Variants in CAPN13 observed in about 807,000 individuals in gnomAD.
CAPN13 encodes calpain 13, also known as calpain-13.
A neutral mutation model predicts 98.4 loss-of-function variants in CAPN13; 90 were observed. The observed-to-expected ratio is 0.92, with a 90% CI of 0.77 to 1.09. The LOEUF is 1.09. CAPN13 is among the 50% of genes least tolerant of loss of function. CAPN13 has a pLI of 0.00. For missense variants in CAPN13, 887 were observed against 841.3 expected (o/e 1.05, Z -0.67); for synonymous variants, 330 against 305.5 (o/e 1.08, Z -0.84).
At chr2:30,776,294 C>T (rs764904233) in intron 3 of CAPN13, among the ~76,000 whole-genome samples, 9 of 152,122 alleles carry the variant, frequency 5.9e-5, no homozygotes, top group South Asian at 2.1e-4. Context: ...TGCAGTGACG[C>T]GCTCTGGGCT....
Position 30,777,618 on chromosome 2 carries a change from G to T in CAPN13, c.220C>A (p.His74Asn). Residue 74 changes from histidine (H) to asparagine (N), a missense_variant, in exon 3 of 23, where the codon CAC (histidine) becomes AAC (asparagine). His to Asn is a moderately conservative substitution (Grantham distance 68). Transcript: ENST00000295055. ...CTGCTTATATCATCCAGGATGAAGT[G>T]AGGAGGACCCCCTGGTAGATCCTTT... ...RPQDLPGGPP[H>N]FILDDISRFD... 1 of 1,578,538 alleles carries T rather than the reference G, an allele frequency of 6.3e-7. No homozygotes were observed. Among genetic ancestry groups the T allele is most frequent in the South Asian group, 1.2e-5 (1 of 85,792 alleles).
chr2:30,775,890 G>T, intron 4 of CAPN13, 40 bp downstream of exon 4: 1 of 1,455,498 alleles, frequency 6.9e-7, no homozygotes, highest in Non-Finnish European at 9.5e-7. Context: ...TACTCACAGA[G>T]AACCCCATCA....
intron 1 of CAPN13, among the ~76,000 whole-genome samples, chr2:30,791,394 C>T (rs1314995275): frequency 6.6e-6 from 1 of 152,182 alleles, no homozygotes; most frequent in African/African-American, 2.4e-5. Context: ...AATAAAATCT[C>T]CTGAGTGTCA....
chr2:30,732,679 T>C (rs912018322), intron 19 of CAPN13, 113 bp from the exon 20 acceptor site: 125 of 1,352,994 alleles, frequency 9.2e-5, no homozygotes, highest in Middle Eastern at 2.4e-4. Flanking sequence ...CACCAACTCC[T>C]CCCACTCAGC....
chr2:30,804,422 C>T lies in CAPN13; in HGVS notation c.-33+2880G>A, dbSNP rs1294587089. Among the ~76,000 whole-genome samples the T allele has an allele frequency of 2.0e-5, 3 of 152,146 alleles. No individual in the cohort carries two copies. The East Asian group carries it at 5.8e-4, about 29-fold the overall frequency. ...TTCACCATGTTGGCCAGACTGGCCT[C>T]GAACTCCTGACCTCAGGCAATCCGC... is the stretch of plus-strand genomic sequence containing the variant. On this transcript the variant is annotated intron_variant, in intron 1 of 22. Coordinates refer to ENST00000295055, the MANE Select transcript of CAPN13 (RefSeq NM_144575.3).
In CAPN13 at chr2:30,745,799, C is replaced by T. The variant is rs764407265; in HGVS notation, c.1237-65G>A. 59 of 1,441,504 alleles carry T rather than the reference C, an allele frequency of 4.1e-5. 1 individual carries two copies. The highest frequency in any genetic ancestry group is 1.6e-4 in the South Asian group (13 of 82,546). The allele number at this position is 1,441,504 out of a possible 1,614,324, so 89.3% of individuals were successfully genotyped here. A position where few individuals can be genotyped will look rare whatever the true frequency, so the allele number is the denominator to read the frequency against. ...ACGTAAACAAAAAGGCAAGCAGAACCGAACAGCTTGGCTCATTGGTTTCAT... is the reference window on the plus strand; with the variant it reads ...ACGTAAACAAAAAGGCAAGCAGAACTGAACAGCTTGGCTCATTGGTTTCAT... On this transcript the variant is annotated intron_variant, in intron 11 of 22. Coordinates refer to ENST00000295055, the MANE Select transcript of CAPN13 (RefSeq NM_144575.3).
At chr2:30,764,871 C>T (rs1198421211) in intron 5 of CAPN13, among the ~76,000 whole-genome samples, 1 of 152,114 alleles carries the variant, frequency 6.6e-6, no homozygotes, top group Non-Finnish European at 1.5e-5. Context: ...ACATTGGGAG[C>T]CACTGTTCTT....
intron 5 of CAPN13, among the ~76,000 whole-genome samples, chr2:30,765,987 G>A (rs1004457342): frequency 2.0e-5 from 3 of 152,152 alleles, no homozygotes; most frequent in East Asian, 1.9e-4. Flanking sequence ...GGTGGTGAGC[G>A]TGCCCGGTTG....
intron 12 of CAPN13, 41 bp from the exon 13 acceptor site, chr2:30,743,620 T>C: frequency 6.3e-7 from 1 of 1,585,838 alleles, no homozygotes; most frequent in Non-Finnish European, 8.7e-7. Flanking sequence ...GAAAGCCTCC[T>C]CTGTGCATGG....
chr2:30,758,827 T>C (rs72783030), intron 7 of CAPN13, among the ~76,000 whole-genome samples: 6,282 of 79,548 alleles, frequency 0.079, 354 homozygotes, highest in African/African-American at 0.21. Context: ...CTCCCTTCCT[T>C]CCTCCCTTCC....
rs557121639 is a variant in CAPN13, at chr2:30,752,937, T to G, written c.1087+116A>C. The G allele has an allele frequency of 7.6e-5, 90 of 1,177,470 alleles. 2 individuals are homozygous for G. The South Asian group carries it at 1.3e-3, about 17-fold the overall frequency. 72.9% of individuals were successfully genotyped at this position (1,177,470 alleles called of 1,614,324 possible). A position where few individuals can be genotyped will look rare whatever the true frequency, so the allele number is the denominator to read the frequency against. ...TTCATGCTGACAAACTCCCCTCCTTTCAGCTTCAGGCTCATGGTCCAGAAT... is the reference window on the plus strand; with the variant it reads ...TTCATGCTGACAAACTCCCCTCCTTGCAGCTTCAGGCTCATGGTCCAGAAT... On this transcript the variant is annotated intron_variant, in intron 10 of 22. Transcript: ENST00000295055.
At chr2:30,748,670 G>A (rs147951716) in intron 11 of CAPN13, among the ~76,000 whole-genome samples, 50 of 152,228 alleles carry the variant, frequency 3.3e-4, no homozygotes, top group East Asian at 9.7e-4. Context: ...GCTGCTTGCA[G>A]TAGGAGGCTG....
intron 17 of CAPN13, 32 bp from the exon 18 acceptor site, chr2:30,736,603 C>A (rs376827576): frequency 6.2e-7 from 1 of 1,607,606 alleles, no homozygotes; most frequent in East Asian, 2.2e-5. Flanking sequence ...AACCAGCCAG[C>A]GTGCAAGGTG....
intron 2 of CAPN13, among the ~76,000 whole-genome samples, chr2:30,784,466 T>A (rs1291379566): frequency 6.6e-6 from 1 of 152,228 alleles, no homozygotes; most frequent in Non-Finnish European, 1.5e-5. Context: ...ACTCATTTAG[T>A]ACTTAAAGTA....
chr2:30,762,146 T>G (rs1182896299), intron 7 of CAPN13, among the ~76,000 whole-genome samples: 1 of 152,016 alleles, frequency 6.6e-6, no homozygotes, highest in South Asian at 2.1e-4. Context: ...AGAGACAGAG[T>G]GTCCAGGCCA....
At chr2:30,768,678 T>TTTCC (rs4021142) in intron 5 of CAPN13, among the ~76,000 whole-genome samples, 2,526 of 149,274 alleles carry the variant, frequency 0.017, 41 homozygotes, top group African/African-American at 0.041. Context: ...AACTTTCTTT[T>TTTCC]TTCCTTCCTT....
intron 11 of CAPN13, among the ~76,000 whole-genome samples, chr2:30,748,921 G>C (rs940040409): frequency 6.6e-6 from 1 of 152,144 alleles, no homozygotes; most frequent in African/African-American, 2.4e-5. Context: ...CCTTCTGCTA[G>C]AGCCAGAATC....
chr2:30,742,208 A>G, intron 14 of CAPN13, 118 bp downstream of exon 14: 1 of 1,282,082 alleles, frequency 7.8e-7, no homozygotes, highest in Non-Finnish European at 1.1e-6. Flanking sequence ...TCGGCCTATC[A>G]TGGTGTCTCT....
intron 17 of CAPN13, chr2:30,737,186 C>A (rs1276096033): frequency 6.6e-6 from 1 of 152,558 alleles, no homozygotes; most frequent in East Asian, 1.9e-4. Flanking sequence ...CTGTGAGGAC[C>A]ATTTGGATTC....
Sources: allele counts gnomAD v4.1 joint callset (sites outside exome capture counted in the v4.1 genomes callset), GRCh38; gene constraint gnomAD v4.1.1; transcripts MANE v1.5; gene names NCBI Gene and HGNC (gene_info 2026-07-23, HGNC 2026-07-21).